TMOD1: variants seen among roughly 807,000 people sequenced by gnomAD.
TMOD1 encodes the protein tropomodulin 1, also known as tropomodulin-1.
Under a neutral mutation model 40.6 loss-of-function variants are expected in TMOD1, and 17 were observed. The observed-to-expected ratio is 0.42, with a 90% CI of 0.29 to 0.63. The LOEUF (loss-of-function observed/expected upper bound fraction) is 0.63, where lower values mean the gene tolerates loss of function less well. TMOD1 is among the 20% of genes least tolerant of loss of function. TMOD1 has a pLI of 0.22. For missense variants in TMOD1, 391 were observed against 447.6 expected, an observed-to-expected ratio of 0.87 and a Z score of 1.14; for synonymous variants, 181 against 175.0, an observed-to-expected ratio of 1.03 and a Z score of -0.27.
intron 8 of TMOD1, among the ~76,000 whole-genome samples, chr9:97,570,062 G>A (rs1274563285): frequency 6.6e-6 from 1 of 152,140 alleles, no homozygotes. Context: ...ACCTGAGTGA[G>A]ACTATCACAA....
chr9:97,585,308 T>C (rs1333239408), intron 8 of TMOD1, among the ~76,000 whole-genome samples: 3 of 150,110 alleles, frequency 2.0e-5, no homozygotes, highest in Non-Finnish European at 4.5e-5. Context: ...AAAATTCTTT[T>C]CTTTAAGAAT....
Position 97,564,115 on chromosome 9 carries a change from C to A in TMOD1, c.565C>A (p.Arg189=). 1 of 1,613,952 alleles carries A rather than the reference C, an allele frequency of 6.2e-7. No homozygotes were observed. Among genetic ancestry groups the A allele is most frequent in the Non-Finnish European group, 8.5e-7 (1 of 1,179,900 alleles). Residue 189 remains arginine, a synonymous_variant, in exon 6 of 10, where the codon CGG becomes AGG. Coordinates refer to ENST00000259365, the MANE Select transcript of TMOD1 (RefSeq NM_003275.4). Reference sequence around the variant, plus strand: ...AACAGACGTAGAGGAAACGCTGGAACGGATAAAGAACAACGACCCAAAACT... The same window carrying A: ...AACAGACGTAGAGGAAACGCTGGAAAGGATAAAGAACAACGACCCAAAACT... ...NSTDVEETLE[R]IKNNDPKLEE...
At chr9:97,506,158 A>T (rs923205698) in intron 1 of TMOD1, among the ~76,000 whole-genome samples, 38 of 152,078 alleles carry the variant, frequency 2.5e-4, no homozygotes, top group Non-Finnish European at 7.4e-5. Context: ...TCAGTCTGTG[A>T]ACTTGTAATC....
intron 4 of TMOD1, among the ~76,000 whole-genome samples, chr9:97,559,792 AAAATATATATATAT>A (rs1452479980): frequency 1.1e-4 from 4 of 35,088 alleles, no homozygotes; most frequent in Non-Finnish European, 1.9e-4. Context: ...AAAAAAAAAA[AAAATATATATATAT>A]ATATATATAT....
At position 97,519,234 on chromosome 9, in the gene TMOD1, C is replaced by T. The variant is rs375533883; in HGVS notation, c.-48-4907C>T. Among the ~76,000 whole-genome samples, 102 of 152,342 alleles carry T rather than the reference C, an allele frequency of 6.7e-4. No homozygotes were observed. The East Asian group carries it at 0.013, about 19-fold the overall frequency. The stretch of plus-strand genomic sequence containing the variant: ...TCAGAGCTTTCATTTCTGAGGCTTT[C>T]CTGATGGATGGCCTCAGCCTTTGAC... On this transcript the variant is annotated intron_variant, in intron 1 of 9. Transcript: ENST00000259365.
intron 8 of TMOD1, among the ~76,000 whole-genome samples, chr9:97,588,133 A>G (rs1825919551): frequency 6.6e-6 from 1 of 152,224 alleles, no homozygotes; most frequent in African/African-American, 2.4e-5. Context: ...TTGCTGGGTC[A>G]TATGGTAGCT....
At position 97,522,970 on chromosome 9, in the gene TMOD1, C is replaced by T. The variant is rs557457682; in HGVS notation, c.-48-1171C>T. The stretch of plus-strand genomic sequence containing the variant: ...AATAGCGCTCGAGGTCCTGCTGTCC[C>T]TCCTAGCTCAGCGGAGGCAGTGTGG... On this transcript the variant is annotated intron_variant, in intron 1 of 9. Coordinates refer to ENST00000259365, the MANE Select transcript of TMOD1 (RefSeq NM_003275.4). Among the ~76,000 whole-genome samples the T allele has an allele frequency of 1.0e-3, 153 of 152,312 alleles. 1 individual carries two copies. Among genetic ancestry groups the T allele is most frequent in the African/African-American group, 3.5e-3 (145 of 41,562 alleles).
At chr9:97,596,661 C>T (rs1416361270) in intron 9 of TMOD1, among the ~76,000 whole-genome samples, 1 of 152,194 alleles carries the variant, frequency 6.6e-6, no homozygotes, top group Non-Finnish European at 1.5e-5. Flanking sequence ...ATCAGGAGGT[C>T]GTCTCTTGAC....
At chr9:97,564,641 A>T (rs1830698529) in intron 6 of TMOD1, among the ~76,000 whole-genome samples, 2 of 152,196 alleles carry the variant, frequency 1.3e-5, no homozygotes, top group Admixed American at 1.3e-4. Flanking sequence ...CTTGTTTTAC[A>T]GCCACAGAAG....
In TMOD1 at chr9:97,513,473, C is replaced by G. The variant is rs1484076639; in HGVS notation, c.-48-10668C>G. On this transcript the variant is annotated intron_variant, in intron 1 of 9. Transcript: ENST00000259365. The surrounding 1 kb of genome is among the most constrained non-coding windows in gnomAD (Gnocchi z 4.1). ...TAACCAGGCTGACCCAAGATGGGGCCTCACCTGTAAAGGAAACTAAGGGCC... is the reference window on the plus strand; with the variant it reads ...TAACCAGGCTGACCCAAGATGGGGCGTCACCTGTAAAGGAAACTAAGGGCC... Among the ~76,000 whole-genome samples the G allele has an allele frequency of 1.3e-5, 2 of 152,166 alleles. No homozygotes were observed. Among genetic ancestry groups the G allele is most frequent in the African/African-American group, 4.8e-5 (2 of 41,444 alleles).
At chr9:97,567,717 C>T (rs1048980700) in intron 7 of TMOD1, among the ~76,000 whole-genome samples, 2 of 152,166 alleles carry the variant, frequency 1.3e-5, no homozygotes, top group Admixed American at 6.5e-5. Flanking sequence ...AAGTCAGAGA[C>T]AGACGCCATC....
chr9:97,516,586 G>C (rs750568873), intron 1 of TMOD1: 1 of 152,498 alleles, frequency 6.6e-6, no homozygotes, highest in Non-Finnish European at 1.5e-5. Context: ...AGGCTGAGTT[G>C]AGTGAGGATA....
At chr9:97,548,798 G>GTCA (rs1298995943) in intron 3 of TMOD1, among the ~76,000 whole-genome samples, 2 of 152,210 alleles carry the variant, frequency 1.3e-5, no homozygotes, top group African/African-American at 2.4e-5. Flanking sequence ...CATCATCATC[G>GTCA]TCATCATCAT....
intron 1 of TMOD1, among the ~76,000 whole-genome samples, chr9:97,508,234 G>A (rs1467721966): frequency 6.6e-6 from 1 of 151,824 alleles, no homozygotes; most frequent in Non-Finnish European, 1.5e-5. Flanking sequence ...TGTCACCCAG[G>A]CTGGAGGGCA....
intron 2 of TMOD1, among the ~76,000 whole-genome samples, chr9:97,540,695 A>G (rs1177406162): frequency 6.6e-6 from 1 of 152,296 alleles, no homozygotes; most frequent in Non-Finnish European, 1.5e-5. Flanking sequence ...AGGGTCATTC[A>G]CGTTGTAGTA....
Position 97,546,857 on chromosome 9 carries a change from A to G in TMOD1, c.277+516A>G, listed in dbSNP as rs1830367547. The stretch of plus-strand genomic sequence containing the variant: ...GGCAGGAAAATCGCGTGAACCCAGG[A>G]GGTGGAGGTTGCAGTGAGCCAAGAT... On this transcript the variant is annotated intron_variant, in intron 3 of 9. Transcript: ENST00000259365. Among the ~76,000 whole-genome samples, 11 of 137,758 alleles carry G rather than the reference A, an allele frequency of 8.0e-5. No homozygotes were observed. The South Asian group carries it at 2.7e-3, about 34-fold the overall frequency. 90.4% of individuals were successfully genotyped at this position (137,758 alleles called of 152,430 possible).
At chr9:97,503,838 G>C (rs1266705716) in intron 1 of TMOD1, among the ~76,000 whole-genome samples, 1 of 152,218 alleles carries the variant, frequency 6.6e-6, no homozygotes, top group African/African-American at 2.4e-5. Flanking sequence ...AGCAATGAGG[G>C]GGCAGACAAG....
chr9:97,566,700 A>T (rs1469785325), intron 7 of TMOD1, among the ~76,000 whole-genome samples: 4 of 152,210 alleles, frequency 2.6e-5, no homozygotes, highest in South Asian at 4.1e-4. Flanking sequence ...ATAAAAATTT[A>T]AAAAAATAAA....
intron 2 of TMOD1, among the ~76,000 whole-genome samples, chr9:97,542,619 G>A (rs1036924568): frequency 5.3e-5 from 8 of 152,064 alleles, no homozygotes; most frequent in Admixed American, 1.3e-4. Flanking sequence ...TTGGGAGGCC[G>A]AGGCTGGTGG....
Sources: gnomAD v4.1 joint callset for allele counts (sites outside exome capture counted in the v4.1 genomes callset) on GRCh38, gnomAD v4.1.1 for gene constraint, Gnocchi (gnomAD v3.1) non-coding constraint, MANE v1.5 for transcripts, NCBI Gene and HGNC (gene_info 2026-07-23, HGNC 2026-07-21) for gene names.